Variants in RGS6 observed in about 807,000 individuals in gnomAD.
RGS6 encodes regulator of G protein signaling 6, also known as regulator of G-protein signaling 6.
A neutral mutation model predicts 78.5 loss-of-function variants in RGS6; 30 were observed. The observed-to-expected ratio is 0.38, with a 90% CI of 0.29 to 0.52. The LOEUF (loss-of-function observed/expected upper bound fraction) is 0.52. Among genes scored for constraint, RGS6 ranks in the 20% least tolerant of loss-of-function variants. RGS6 has a pLI of 0.85. For synonymous variants in RGS6, 206 were observed against 206.0 expected (o/e 1.00, Z 0.00); for missense variants, 495 against 609.7 (o/e 0.81, Z 1.98).
intron 3 of RGS6, among the ~76,000 whole-genome samples, chr14:72,374,574 C>G (rs2084239768): frequency 1.3e-5 from 2 of 152,150 alleles, no homozygotes; most frequent in African/African-American, 4.8e-5. Context: ...CAGGAAGAAG[C>G]AAACACATCT....
At chr14:71,935,105 T>C (rs574059425) in intron 1 of RGS6, among the ~76,000 whole-genome samples, 1 of 152,320 alleles carries the variant, frequency 6.6e-6, no homozygotes, top group East Asian at 1.9e-4. Context: ...ATCTTCTTTG[T>C]AACATATGGC....
downstream of RGS6, among the ~76,000 whole-genome samples, chr14:72,569,632 A>G (rs983599747): frequency 6.6e-5 from 10 of 151,784 alleles, no homozygotes; most frequent in Middle Eastern, 3.4e-3. Context: ...GTGAGCTGAG[A>G]TCACACAGTT....
intron 2 of RGS6, among the ~76,000 whole-genome samples, chr14:72,335,599 G>A (rs2152624846): frequency 6.6e-6 from 1 of 152,284 alleles, no homozygotes; most frequent in African/African-American, 2.4e-5. Context: ...TGTAGAACAA[G>A]CACACTGTTT....
At chr14:72,369,391 A>T (rs2083024073) in intron 3 of RGS6, among the ~76,000 whole-genome samples, 1 of 152,222 alleles carries the variant, frequency 6.6e-6, no homozygotes, top group Non-Finnish European at 1.5e-5. Context: ...TGGCCTGGTG[A>T]AACCAACTGT....
chr14:71,992,675 T>A (rs1266636129), intron 2 of RGS6, among the ~76,000 whole-genome samples: 2 of 152,232 alleles, frequency 1.3e-5, no homozygotes, highest in East Asian at 3.8e-4. Flanking sequence ...TTAGTAATTA[T>A]TTGCTTGGAT....
intron 3 of RGS6, among the ~76,000 whole-genome samples, chr14:72,441,663 C>T (rs183760813): frequency 2.0e-5 from 3 of 152,376 alleles, no homozygotes; most frequent in Admixed American, 1.3e-4. Flanking sequence ...CCTTCCCTGT[C>T]CTCAGACTGC....
intron 3 of RGS6, among the ~76,000 whole-genome samples, chr14:72,355,155 A>G (rs1176978407): frequency 6.6e-6 from 1 of 150,838 alleles, no homozygotes; most frequent in African/African-American, 2.4e-5. Flanking sequence ...GGTTTTAAGT[A>G]TGTAATTTCA....
rs182618176 is a variant in RGS6, at chr14:72,317,589, T to C, written c.85-34506T>C. On this transcript the variant is annotated intron_variant, in intron 2 of 17. Coordinates refer to ENST00000553525, the MANE Select transcript of RGS6 (RefSeq NM_001204424.2). ...AAGGTCAATACTTGATTTGGATTTT[T>C]TGTTGTTGTTTCTTTTTCCCTCCAG... is the stretch of plus-strand genomic sequence containing the variant. Among the ~76,000 whole-genome samples the C allele has an allele frequency of 2.9e-4, 44 of 152,274 alleles. 1 individual carries two copies. In the East Asian group the frequency reaches 6.8e-3, roughly 23 times the overall value.
intron 2 of RGS6, among the ~76,000 whole-genome samples, chr14:72,259,690 G>A (rs1367438646): frequency 6.6e-6 from 1 of 151,674 alleles, no homozygotes; most frequent in Non-Finnish European, 1.5e-5. Flanking sequence ...GGTGGATCAC[G>A]AGGTCAGGAG....
At chr14:72,521,318 G>A (rs1027902181) in intron 15 of RGS6, among the ~76,000 whole-genome samples, 4 of 152,146 alleles carry the variant, frequency 2.6e-5, no homozygotes, top group Non-Finnish European at 5.9e-5. Flanking sequence ...ATTATCGCCT[G>A]GTTCTTTAAT....
intron 2 of RGS6, among the ~76,000 whole-genome samples, chr14:72,175,531 C>G (rs2097093477): frequency 6.6e-6 from 1 of 152,134 alleles, no homozygotes; most frequent in Non-Finnish European, 1.5e-5. Context: ...TGGGAAATGA[C>G]AAGATGAAAT....
At position 72,565,729 on chromosome 14, in the gene RGS6, A is replaced by AG. The variant is rs1221992488; in HGVS notation, c.*3264dup. ...TGGGATTTCAAACTACCTCACCAACAGGACGCTGAACCAGGAGCCTGCCAC... is the reference window on the plus strand; with the variant it reads ...TGGGATTTCAAACTACCTCACCAACAGGGACGCTGAACCAGGAGCCTGCCAC... On this transcript the variant is annotated 3_prime_UTR_variant, in exon 18 of 18. Coordinates refer to ENST00000553525, the MANE Select transcript of RGS6 (RefSeq NM_001204424.2). 1 of 152,262 alleles carries AG rather than the reference A, an allele frequency of 6.6e-6. No individual in the cohort carries two copies. The highest frequency in any genetic ancestry group is 1.5e-5 in the Non-Finnish European group (1 of 68,080). The allele number at this position is 152,262 out of a possible 1,614,324, so 9.4% of individuals were successfully genotyped here. A position where few individuals can be genotyped will look rare whatever the true frequency, so the allele number is the denominator to read the frequency against.
intron 2 of RGS6, among the ~76,000 whole-genome samples, chr14:72,166,339 G>A (rs951251575): frequency 2.6e-5 from 4 of 152,034 alleles, no homozygotes; most frequent in African/African-American, 9.7e-5. Context: ...ATTCCTTTAT[G>A]TAATTATTTT....
chr14:72,173,663 T>A (rs1022003776), intron 2 of RGS6, among the ~76,000 whole-genome samples: 1 of 152,174 alleles, frequency 6.6e-6, no homozygotes, highest in Non-Finnish European at 1.5e-5. Flanking sequence ...GAGCTGTTTA[T>A]CTGGGCTTTG....
intron 2 of RGS6, among the ~76,000 whole-genome samples, chr14:72,163,499 T>G (rs760019552): frequency 6.6e-6 from 1 of 152,162 alleles, no homozygotes; most frequent in Admixed American, 6.5e-5. Context: ...GCCTGAGCCA[T>G]TGAAAATAAA....
chr14:72,104,623 C>T (rs1302200211), intron 2 of RGS6, among the ~76,000 whole-genome samples: 3 of 152,212 alleles, frequency 2.0e-5, no homozygotes, highest in Non-Finnish European at 4.4e-5. Context: ...AGTTACCCCA[C>T]ACCTTCTCTG....
chr14:72,334,360 A>G (rs995378379), intron 2 of RGS6, among the ~76,000 whole-genome samples: 1 of 152,196 alleles, frequency 6.6e-6, no homozygotes, highest in Non-Finnish European at 1.5e-5. Context: ...GACGCCTACA[A>G]AAACCTGGGG....
intron 3 of RGS6, among the ~76,000 whole-genome samples, chr14:72,451,171 C>G (rs1249723939): frequency 6.6e-6 from 1 of 152,114 alleles, no homozygotes; most frequent in Non-Finnish European, 1.5e-5. Context: ...GTGCAGTGTC[C>G]CAGGCAGCCA....
At chr14:72,041,124 A>G (rs1045962683) in intron 2 of RGS6, among the ~76,000 whole-genome samples, 1 of 151,326 alleles carries the variant, frequency 6.6e-6, no homozygotes, top group African/African-American at 2.4e-5. Flanking sequence ...TGATTGGGCC[A>G]TGTTCCCCTG....
Sources: allele counts gnomAD v4.1 joint callset (sites outside exome capture counted in the v4.1 genomes callset), GRCh38; gene constraint gnomAD v4.1.1; transcripts MANE v1.5; gene names NCBI Gene and HGNC (gene_info 2026-07-23, HGNC 2026-07-21).